Variants in NKAIN2 observed in about 807,000 individuals in gnomAD.
NKAIN2 encodes sodium/potassium-transporting ATPase subunit beta-1-interacting protein 2.
In NKAIN2, 14 loss-of-function variants were observed where a neutral mutation model predicts 32.6. The ratio of observed to expected loss-of-function variants is 0.43; its 90% CI spans 0.28 to 0.67. The LOEUF is 0.67. Ranked by LOEUF, NKAIN2 falls within the 30% of genes least tolerant of loss-of-function variation. The probability of loss-of-function intolerance (pLI) is 0.17; values close to 1 mark genes in which losing one functional copy is unlikely to be tolerated. For synonymous variants in NKAIN2, 80 were observed against 87.2 expected (o/e 0.92, Z 0.46); for missense variants, 198 against 258.3 (o/e 0.77, Z 1.60).
At chr6:124,493,756 A>G (rs1777963596) in intron 3 of NKAIN2, among the ~76,000 whole-genome samples, 1 of 138,802 alleles carries the variant, frequency 7.2e-6, no homozygotes, top group Non-Finnish European at 1.5e-5. Flanking sequence ...AACATCACCA[A>G]TTCTGTGCAC....
At chr6:124,481,275 T>C (rs1051412163) in intron 3 of NKAIN2, among the ~76,000 whole-genome samples, 1 of 152,038 alleles carries the variant, frequency 6.6e-6, no homozygotes, top group Non-Finnish European at 1.5e-5. Context: ...ATTTCCAAGT[T>C]TCAGTTGGCA....
chr6:124,505,239 C>T (rs1778430151), intron 3 of NKAIN2, among the ~76,000 whole-genome samples: 1 of 152,152 alleles, frequency 6.6e-6, no homozygotes, highest in Non-Finnish European at 1.5e-5. Context: ...TTTTGCTTAT[C>T]TATGTTTTAT....
chr6:124,735,670 A>G (rs1354608692), intron 4 of NKAIN2, among the ~76,000 whole-genome samples: 1 of 151,852 alleles, frequency 6.6e-6, no homozygotes, highest in East Asian at 1.9e-4. Context: ...ACATTTGGGT[A>G]GTTCTCACAA....
At chr6:124,443,760 A>T (rs1775785163) in intron 3 of NKAIN2, among the ~76,000 whole-genome samples, 1 of 152,094 alleles carries the variant, frequency 6.6e-6, no homozygotes, top group African/African-American at 2.4e-5. Context: ...TATAAAGTAT[A>T]TCCATTCCAC....
intron 1 of NKAIN2, among the ~76,000 whole-genome samples, chr6:123,848,087 A>G (rs763946648): frequency 6.6e-6 from 1 of 152,256 alleles, no homozygotes; most frequent in Non-Finnish European, 1.5e-5. Flanking sequence ...TAAGTGAGGA[A>G]AGTGGAAATA....
At chr6:124,536,920 A>G (rs1047606182) in intron 3 of NKAIN2, among the ~76,000 whole-genome samples, 2 of 152,226 alleles carry the variant, frequency 1.3e-5, no homozygotes, top group African/African-American at 2.4e-5. Flanking sequence ...AATCTGGAGC[A>G]AGATTTGCTT....
rs565097104 is a variant in NKAIN2, at chr6:124,785,743, C to T, written c.475-5596C>T. Reference sequence around the variant, plus strand: ...TCTGGCAAGAGCCTTATTACTGCTCCAAGGTGGCTTTCACTGATGCCATGG... The same window carrying T: ...TCTGGCAAGAGCCTTATTACTGCTCTAAGGTGGCTTTCACTGATGCCATGG... On this transcript the variant is annotated intron_variant, in intron 4 of 6. Coordinates refer to ENST00000368417, the MANE Select transcript of NKAIN2 (RefSeq NM_001040214.3). Among the ~76,000 whole-genome samples, 52 of 152,266 alleles carry T rather than the reference C, an allele frequency of 3.4e-4. 1 individual carries two copies. In the South Asian group the frequency reaches 9.1e-3, roughly 27 times the overall value.
intron 3 of NKAIN2, among the ~76,000 whole-genome samples, chr6:124,652,977 T>C (rs1362298846): frequency 1.3e-5 from 2 of 152,136 alleles, no homozygotes; most frequent in African/African-American, 4.8e-5. Context: ...ACAAGATCTA[T>C]ATGAGGAAAA....
rs577446431 is a variant in NKAIN2 at position 124,733,965 on chromosome 6, A to T, written c.475-57374A>T. Among the ~76,000 whole-genome samples, 5 of 151,548 alleles carry T rather than the reference A, an allele frequency of 3.3e-5. No homozygotes were observed. The South Asian group carries it at 1.0e-3, about 32-fold the overall frequency. ...TTGGTTTCTAACACCAGTCTTCAATAAGGGTCATCTTGGAAAAATAACTCA... is the reference window on the plus strand; with the variant it reads ...TTGGTTTCTAACACCAGTCTTCAATTAGGGTCATCTTGGAAAAATAACTCA... On this transcript the variant is annotated intron_variant, in intron 4 of 6. Coordinates refer to ENST00000368417, the MANE Select transcript of NKAIN2 (RefSeq NM_001040214.3).
chr6:124,183,728 T>G (rs958871431), intron 1 of NKAIN2, among the ~76,000 whole-genome samples: 1 of 152,200 alleles, frequency 6.6e-6, no homozygotes, highest in Non-Finnish European at 1.5e-5. Context: ...GGAAATCTCA[T>G]GCCCTGCAAG....
chr6:124,681,832 A>T (rs965852258), intron 4 of NKAIN2, among the ~76,000 whole-genome samples: 3 of 152,086 alleles, frequency 2.0e-5, no homozygotes, highest in Admixed American at 6.6e-5. Flanking sequence ...ACCCTCACCT[A>T]TAAACAGGTG....
At chr6:124,725,949 CG>C (rs1211075281) in intron 4 of NKAIN2, among the ~76,000 whole-genome samples, 11 of 152,354 alleles carry the variant, frequency 7.2e-5, no homozygotes, top group East Asian at 1.9e-4. Context: ...GGGTGACGGA[CG>C]GCACCTTGAA....
intron 2 of NKAIN2, among the ~76,000 whole-genome samples, chr6:124,316,585 A>T (rs1009743555): frequency 1.5e-4 from 23 of 152,182 alleles, no homozygotes; most frequent in African/African-American, 5.5e-4. Context: ...ATAAAAATAA[A>T]TGAAAGTTGA....
chr6:124,772,824 G>T (rs1188169652), intron 4 of NKAIN2, among the ~76,000 whole-genome samples: 1 of 152,184 alleles, frequency 6.6e-6, no homozygotes, highest in African/African-American at 2.4e-5. Flanking sequence ...AAGCAGGAAG[G>T]ATGGGAGAGG....
At chr6:124,144,626 G>A (rs115221721) in intron 1 of NKAIN2, among the ~76,000 whole-genome samples, 2,679 of 152,140 alleles carry the variant, frequency 0.018, 63 homozygotes, top group African/African-American at 0.05. Flanking sequence ...GTCATTAAAA[G>A]TTAACTCAAA....
At chr6:124,809,773 A>C (rs1291604391) in intron 5 of NKAIN2, among the ~76,000 whole-genome samples, 2 of 152,156 alleles carry the variant, frequency 1.3e-5, no homozygotes, top group Non-Finnish European at 1.5e-5. Context: ...CAATAAACTC[A>C]AACAAATTTA....
intron 1 of NKAIN2, among the ~76,000 whole-genome samples, chr6:124,021,694 C>G (rs1582942781): frequency 6.6e-6 from 1 of 151,720 alleles, no homozygotes; most frequent in South Asian, 2.1e-4. Flanking sequence ...TCTCTCTTTC[C>G]CATCTATATA....
chr6:124,042,694 C>T (rs931131727), intron 1 of NKAIN2, among the ~76,000 whole-genome samples: 3 of 152,106 alleles, frequency 2.0e-5, no homozygotes, highest in African/African-American at 7.2e-5. Context: ...CAAATGAATG[C>T]ATGGTATAGA....
intron 6 of NKAIN2, 97 bp downstream of exon 6, chr6:124,818,565 G>T: frequency 1.9e-6 from 1 of 521,860 alleles, no homozygotes; most frequent in Non-Finnish European, 3.5e-6. Context: ...CTTTTGTTCA[G>T]TTATATTTTT....
Sources: gnomAD v4.1 joint callset for allele counts (sites outside exome capture counted in the v4.1 genomes callset) on GRCh38, gnomAD v4.1.1 for gene constraint, MANE v1.5 for transcripts, NCBI Gene and HGNC (gene_info 2026-07-23, HGNC 2026-07-21) for gene names.